The following TSPOAP1 variants were observed in gnomAD, a reference collection of about 807,000 sequenced individuals.
The protein encoded by TSPOAP1 is TSPO associated protein 1, also known as peripheral-type benzodiazepine receptor-associated protein 1.
In TSPOAP1, 87 loss-of-function variants were observed where a neutral mutation model predicts 197.0. The observed-to-expected ratio is 0.44, with a 90% CI of 0.37 to 0.53. TSPOAP1 has a LOEUF of 0.53. TSPOAP1 is among the 20% of genes least tolerant of loss of function. The pLI, the probability that TSPOAP1 is intolerant of heterozygous loss-of-function variation, is 0.00. For synonymous variants in TSPOAP1, 913 were observed against 998.9 expected (o/e 0.91, Z 1.62); for missense variants, 2,174 against 2,411.3 (o/e 0.90, Z 2.06).
At chr17:58,305,894 C>CCG in intron 26 of TSPOAP1, 29 bp from the exon 27 acceptor site, 1 of 1,601,854 alleles carries the variant, frequency 6.2e-7, no homozygotes, top group Non-Finnish European at 8.5e-7. Context: ...TGTGAGCCCC[C>CCG]TCCCACCCTG....
Position 58,322,775 on chromosome 17 carries a change from A to C in TSPOAP1, c.1196T>G (p.Val399Gly). The C allele has an allele frequency of 6.2e-7, 1 of 1,611,948 alleles. No homozygotes were observed. The highest frequency in any genetic ancestry group is 8.5e-7 in the Non-Finnish European group (1 of 1,179,710). ...CCTCAGCTCCGCATTCTCCCACTCC[A>C]CCTGGCGAGGGGGCAGTGACAGGGA... is the stretch of plus-strand genomic sequence containing the variant. ...LSGRATEKEQ[V>G]EWENAELRGQ... Residue 399 changes from valine to glycine, a missense_variant and splice_region_variant, in exon 9 of 32, where the codon GTG (valine) becomes GGG (glycine). Physicochemically the swap from Val to Gly is moderately radical, Grantham distance 109. This residue lies in a region of TSPOAP1 where 1,933 missense variants were observed against 2,139.0 expected (regional missense o/e 0.90). Coordinates refer to ENST00000343736, the MANE Select transcript of TSPOAP1 (RefSeq NM_004758.4). This position sits in a 1 kb window ranked among gnomAD's most constrained non-coding sequence, Gnocchi z 5.0.
chr17:58,311,914 C>CAGG lies in TSPOAP1; in HGVS notation c.2904_2906dup (p.Leu969dup). The stretch of plus-strand genomic sequence containing the variant: ...TACCTGCTGGGAGTGTGGTGAACTG[C>CAGG]AGGGTGGCAGCCCGCTGCTCCAGCC... On this transcript the variant is annotated inframe_insertion, in exon 17 of 32. Coordinates refer to ENST00000343736, the MANE Select transcript of TSPOAP1 (RefSeq NM_004758.4). The CAGG allele has an allele frequency of 6.4e-7, 1 of 1,560,596 alleles. No individual in the cohort carries two copies. The highest frequency in any genetic ancestry group is 1.8e-5 in the Admixed American group (1 of 55,530).
At chr17:58,325,765 TC>T in intron 3 of TSPOAP1, 52 bp from the exon 4 acceptor site, 1 of 1,530,638 alleles carries the variant, frequency 6.5e-7, no homozygotes. Context: ...GGGGCACTTC[TC>T]CCACTCCTCA....
At position 58,318,444 on chromosome 17, in the gene TSPOAP1, G is replaced by T. The variant is rs1971304970; in HGVS notation, c.1708C>A (p.Leu570Ile). The change falls in exon 14 of 32, where the codon CTC becomes ATC. Residue 570 changes from leucine (L) to isoleucine (I), a missense_variant. Leu to Ile is a conservative substitution (Grantham distance 5, BLOSUM62 2). Transcript: ENST00000343736. ...CRGSGPKDLD[L>I]PPGSPGRCTP... ...CAGCGCCCAGGGGAGCCCGGCGGGA[G>T]GTCAAGGTCTAAAGAGAAGATGGCA... is the stretch of plus-strand genomic sequence containing the variant. 1 of 1,612,554 alleles carries T rather than the reference G, an allele frequency of 6.2e-7. No homozygotes were observed. The highest frequency in any genetic ancestry group is 1.3e-5 in the African/African-American group (1 of 74,876).
At position 58,305,603 on chromosome 17, in the gene TSPOAP1, G is replaced by A. The variant is rs549004710; in HGVS notation, c.5298C>T (p.Pro1766=). 6 of 1,564,160 alleles carry A rather than the reference G, an allele frequency of 3.8e-6. No homozygotes were observed. The South Asian group carries it at 7.3e-5, about 19-fold the overall frequency. The change falls in exon 28 of 32, where the codon CCC becomes CCT. Residue 1766 remains proline (P), a synonymous_variant. Transcript: ENST00000343736. The part of the protein sequence containing the change: ...KLVPSADLKA[P]HSMVAAFDYN... ...AGTCAAATGCAGCCACCATGGAGTG[G>A]GGAGCTTTCAGGTCAGCAGAGGGGA...
chr17:58,305,904 GC>G, intron 26 of TSPOAP1, 39 bp from the exon 27 acceptor site: 1 of 1,459,496 alleles, frequency 6.9e-7, no homozygotes, highest in Non-Finnish European at 9.3e-7. Context: ...CTCCCACCCT[GC>G]CCACCCAGGC....
In TSPOAP1 at chr17:58,328,128, G is replaced by A. The variant is rs993237264; in HGVS notation, c.-208C>T. The A allele has an allele frequency of 1.2e-4, 71 of 591,526 alleles. No homozygotes were observed. Among genetic ancestry groups the A allele is most frequent in the Non-Finnish European group, 2.1e-5 (7 of 333,012 alleles). 36.6% of individuals were successfully genotyped at this position (591,526 alleles called of 1,614,324 possible). A position where few individuals can be genotyped will look rare whatever the true frequency, so the allele number is the denominator to read the frequency against. On this transcript the variant is annotated 5_prime_UTR_variant, in exon 1 of 32. Coordinates refer to ENST00000343736, the MANE Select transcript of TSPOAP1 (RefSeq NM_004758.4). This position sits in a 1 kb window ranked among gnomAD's most constrained non-coding sequence, Gnocchi z 4.3. ...GCTGGAGCTGGAGCCAGGGGTATGT[G>A]AGCTATGTTTGCTGGTAGCTGTGTG...
Position 58,326,784 on chromosome 17 carries a change from G to C in TSPOAP1, c.340C>G (p.Leu114Val). The C allele has an allele frequency of 6.2e-7, 1 of 1,613,894 alleles. No individual in the cohort carries two copies. The highest frequency in any genetic ancestry group is 8.5e-7 in the Non-Finnish European group (1 of 1,179,936). Residue 114 changes from leucine (L) to valine (V), a missense_variant, in exon 2 of 32, where the codon CTG becomes GTG. By Grantham distance (32) the Leu-to-Val change is conservative. Transcript: ENST00000343736. This position sits in a 1 kb window ranked among gnomAD's most constrained non-coding sequence, Gnocchi z 4.7. The stretch of plus-strand genomic sequence containing the variant: ...GGCCTGTCCCCAAAGCTCATATTCA[G>C]CTTGGCCTGGCATGGGAAAGGACCG... ...EEVEAFLKAKLNMSFGDRPNL... is the reference protein window; with the variant it reads ...EEVEAFLKAKVNMSFGDRPNL...
chr17:58,306,272 C>G (rs1970887956), intron 26 of TSPOAP1, 70 bp downstream of exon 26: 1 of 1,421,612 alleles, frequency 7.0e-7, no homozygotes. Context: ...AGAAAACAGA[C>G]AGCCAAGCAG....
At position 58,327,994 on chromosome 17, in the gene TSPOAP1, T is replaced by C. The variant is rs1235926919; in HGVS notation, c.-74A>G. On this transcript the variant is annotated 5_prime_UTR_variant, in exon 1 of 32. The change abolishes an upstream ATG in the 5' untranslated region. Coordinates refer to ENST00000343736, the MANE Select transcript of TSPOAP1 (RefSeq NM_004758.4). Reference sequence around the variant, plus strand: ...CAGGTGGGGGGACTGGCGAGGGTCATGCCAGGCCAGCCCCTCTCCCCTCTG... The same window carrying C: ...CAGGTGGGGGGACTGGCGAGGGTCACGCCAGGCCAGCCCCTCTCCCCTCTG... 3 of 1,323,466 alleles carry C rather than the reference T, an allele frequency of 2.3e-6. No individual in the cohort carries two copies. Among genetic ancestry groups the C allele is most frequent in the Admixed American group, 2.4e-5 (1 of 42,450 alleles). 82.0% of individuals were successfully genotyped at this position (1,323,466 alleles called of 1,614,324 possible).
chr17:58,305,078 G>A lies in TSPOAP1; in HGVS notation c.5527C>T (p.Pro1843Ser), dbSNP rs781627509. The A allele has an allele frequency of 2.5e-6, 4 of 1,613,744 alleles. No individual in the cohort carries two copies. The African/African-American group carries it at 5.3e-5, about 22-fold the overall frequency. Reference protein sequence around the residue: ...AGGLDREPRTPQAESQRTRRR... With the variant: ...AGGLDREPRTSQAESQRTRRR... ...TCACTGACCTGACTCTCAGCCTGGG[G>A]TGTCCTGGGTTCCCTGTCCAGGCCG... The change falls in exon 30 of 32, where the codon CCC becomes TCC. Residue 1843 changes from proline (P) to serine (S), a missense_variant. By Grantham distance (74) the Pro-to-Ser change is moderately conservative. Transcript: ENST00000343736.
In TSPOAP1 at chr17:58,310,051, C is replaced by G; in HGVS notation, c.3807G>C (p.Glu1269Asp). ...DIQEEEEEEE[E>D]EEEEELGSRT... ...TGGAACCCAGCTCCTCTTCCTCCTC[C>G]TCCTCCTCCTCTTCCTCTTCCTCCT... is the stretch of plus-strand genomic sequence containing the variant. The change falls in exon 21 of 32, where the codon GAG (glutamate) becomes GAC (aspartate). Residue 1269 changes from glutamate (E) to aspartate (D), a missense_variant. By Grantham distance (45) the Glu-to-Asp change is conservative. This residue lies in a region of TSPOAP1 where 1,933 missense variants were observed against 2,139.0 expected (regional missense o/e 0.90). Coordinates refer to ENST00000343736, the MANE Select transcript of TSPOAP1 (RefSeq NM_004758.4). 6.2e-7 allele frequency: 1 copy of G among 1,613,648 alleles called. No individual in the cohort carries two copies. Among genetic ancestry groups the G allele is most frequent in the Non-Finnish European group, 8.5e-7 (1 of 1,180,038 alleles).
Position 58,311,917 on chromosome 17 carries a change from G to C in TSPOAP1, c.2904C>G (p.Thr968=). The C allele has an allele frequency of 6.4e-7, 1 of 1,562,216 alleles. No homozygotes were observed. The highest frequency in any genetic ancestry group is 8.7e-7 in the Non-Finnish European group (1 of 1,154,074). ...CTGCTGGGAGTGTGGTGAACTGCAG[G>C]GTGGCAGCCCGCTGCTCCAGCCTCT... ...GWERLEQRAA[T]LQFTTLPAGP... Residue 968 remains threonine, a synonymous_variant, in exon 17 of 32, where the codon ACC becomes ACG. Coordinates refer to ENST00000343736, the MANE Select transcript of TSPOAP1 (RefSeq NM_004758.4).
rs1461186565 is a variant in TSPOAP1 at position 58,304,139 on chromosome 17, G to A, written c.*32+199C>T. The A allele has an allele frequency of 3.5e-6, 2 of 568,140 alleles. No homozygotes were observed. Among genetic ancestry groups the A allele is most frequent in the Admixed American group, 3.1e-5 (1 of 32,690 alleles). 35.2% of individuals were successfully genotyped at this position (568,140 alleles called of 1,614,324 possible). The stretch of plus-strand genomic sequence containing the variant: ...CCTATGACAGCTGGCACTGCCCTGG[G>A]TAAAGGCAAGGCAAGGGGAGCAGGG... On this transcript the variant is annotated intron_variant, in intron 31 of 31. Transcript: ENST00000343736. This position sits in a 1 kb window ranked among gnomAD's most constrained non-coding sequence, Gnocchi z 4.2.
At chr17:58,302,497 C>A (rs1223803967) in intron 31 of TSPOAP1, 50 bp from the exon 32 acceptor site, 8 of 1,167,872 alleles carry the variant, frequency 6.9e-6, no homozygotes, top group Non-Finnish European at 8.6e-6. Context: ...TCCCTCCTGA[C>A]CCCCTGACCC....
rs1165297587 is a variant in TSPOAP1, at chr17:58,325,518, C to T, written c.750+16G>A. 1 of 1,611,502 alleles carries T rather than the reference C, an allele frequency of 6.2e-7. No homozygotes were observed. On this transcript the variant is annotated intron_variant, in intron 4 of 31. Coordinates refer to ENST00000343736, the MANE Select transcript of TSPOAP1 (RefSeq NM_004758.4). ...GCAGGGCTGAGCTGGAAGAGGTGAC[C>T]AGGGCCTCCTCGCACCTTGCCCACC...
At chr17:58,305,687 C>T (rs1386814095) in intron 27 of TSPOAP1, 44 bp from the exon 28 acceptor site, 1 of 1,372,960 alleles carries the variant, frequency 7.3e-7, no homozygotes, top group South Asian at 1.3e-5. Context: ...CTGGAGAGCC[C>T]TACACCCCAT....
rs1971692995 is a variant in TSPOAP1 at position 58,327,709 on chromosome 17, G to T, written c.212C>A (p.Pro71His). ...TCCTTCAGGGTCAGTTCCCCCCACGGGCCTGGAGCTCCCGTCTCCTTTGGG... is the reference window on the plus strand; with the variant it reads ...TCCTTCAGGGTCAGTTCCCCCCACGTGCCTGGAGCTCCCGTCTCCTTTGGG... ...SKPKGDGSSR[P>H]VGGTDPEGAE... Residue 71 changes from proline (P) to histidine (H), a missense_variant, in exon 1 of 32, where the codon CCC (proline) becomes CAC (histidine). Transcript: ENST00000343736. 6.2e-7 allele frequency: 1 copy of T among 1,614,102 alleles called. No homozygotes were observed. The highest frequency in any genetic ancestry group is 8.5e-7 in the Non-Finnish European group (1 of 1,180,034).
chr17:58,307,077 T>C, intron 24 of TSPOAP1, 109 bp from the exon 25 acceptor site: 1 of 1,211,178 alleles, frequency 8.3e-7, no homozygotes, highest in African/African-American at 1.5e-5. Context: ...TTCTCCCTTT[T>C]GTATGCCATG....
Sources: allele counts gnomAD v4.1 joint callset, GRCh38; gene constraint gnomAD v4.1.1; regional missense constraint gnomAD v4.1.1; non-coding constraint Gnocchi (gnomAD v3.1); transcripts MANE v1.5; gene names NCBI Gene and HGNC (gene_info 2026-07-23, HGNC 2026-07-21).